DPP7: variants seen among roughly 807,000 people sequenced by gnomAD.
DPP7 encodes the protein dipeptidyl peptidase 2.
In DPP7, 74 loss-of-function variants were observed where a neutral mutation model predicts 58.8. The ratio of observed to expected loss-of-function variants is 1.26; its 90% CI spans 1.04 to 1.53. The LOEUF (loss-of-function observed/expected upper bound fraction) is 1.53. Among genes scored for constraint, DPP7 ranks in the 40% most tolerant of loss-of-function variants. DPP7 has a pLI of 0.00. For missense variants in DPP7, 807 were observed against 692.3 expected, an observed-to-expected ratio of 1.17 and a Z score of -1.86; for synonymous variants, 350 against 303.6, an observed-to-expected ratio of 1.15 and a Z score of -1.59.
At position 137,111,904 on chromosome 9, in the gene DPP7, G is replaced by A. The variant is rs185560168; in HGVS notation, c.1176C>T (p.Pro392=). Residue 392 remains proline, a synonymous_variant, in exon 10 of 13, where the codon CCC becomes CCT. Transcript: ENST00000371579. The stretch of plus-strand genomic sequence containing the variant: ...CCCAGAAGCTGGTCAGCAGCCAGTC[G>A]GGCCGGGGCCACACGCCCCAGGTGT... ...CLDTWGVWPR[P]DWLLTSFWGG... 1.5e-4 allele frequency: 236 copies of A among 1,611,946 alleles called. No homozygotes were observed. The East Asian group carries it at 4.5e-3, about 31-fold the overall frequency.
At chr9:137,112,253 C>T (rs1188716533) in intron 8 of DPP7, 23 bp from the exon 9 acceptor site, 2 of 1,581,606 alleles carry the variant, frequency 1.3e-6, no homozygotes, top group African/African-American at 2.7e-5. Flanking sequence ...GGCGCTGGGG[C>T]CCAGCGGCCA....
chr9:137,117,305 G>A (rs749604639), upstream of DPP7, among the ~76,000 whole-genome samples: 1 of 152,226 alleles, frequency 6.6e-6, no homozygotes. Flanking sequence ...CAGGGCCCTC[G>A]TCAGCCTGTG....
chr9:137,115,352 A>G (rs1015765259), upstream of DPP7, among the ~76,000 whole-genome samples: 3 of 152,008 alleles, frequency 2.0e-5, no homozygotes, highest in Non-Finnish European at 2.9e-5. Flanking sequence ...ACAAGGGGGG[A>G]CCAGAGGCCT....
upstream of DPP7, among the ~76,000 whole-genome samples, chr9:137,117,231 T>C (rs1230487816): frequency 1.3e-5 from 2 of 152,190 alleles, no homozygotes; most frequent in Admixed American, 1.3e-4. Context: ...ACCCCTTCAC[T>C]GGCACAGCAA....
chr9:137,113,914 G>A lies in DPP7; in HGVS notation c.436C>T (p.Arg146Ter), dbSNP rs1387745132. ...GCATCCTGGGCCCCGAGGTCGCGTC[G>A]TAGCGCGCGGAGCAGCTCTGCGAAG... ...ADFAELLRALRRDLGAQDAPA... is the reference protein window; with the variant it reads ...ADFAELLRAL The change falls in exon 4 of 13, where the codon CGA (arginine) becomes TGA (stop). Residue 146 changes from arginine to a stop codon, truncating the protein, a stop_gained. Transcript: ENST00000371579. LOFTEE classifies it high-confidence loss of function. 6.3e-7 allele frequency: 1 copy of A among 1,575,510 alleles called. No individual in the cohort carries two copies. The highest frequency in any genetic ancestry group is 1.7e-5 in the Admixed American group (1 of 58,082).
In DPP7 at chr9:137,110,946, C is replaced by G; in HGVS notation, c.1277G>C (p.Arg426Pro). Residue 426 changes from arginine to proline, a missense_variant, in exon 12 of 13, where the codon CGG (arginine) becomes CCG (proline). Physicochemically the swap from Arg to Pro is moderately radical, Grantham distance 103. This residue lies in a region of DPP7 where 624 missense variants were observed against 531.2 expected (regional missense o/e 1.17). Transcript: ENST00000371579. ...NLDPWAGGGI[R>P]RNLSASVIAV... ...GATGACTGAGGCACTCAGGTTCCTC[C>G]GAATCTGTGGTCAGTGGAAAGAACT... The G allele has an allele frequency of 6.2e-7, 1 of 1,612,986 alleles. No individual in the cohort carries two copies. Among genetic ancestry groups the G allele is most frequent in the Non-Finnish European group, 8.5e-7 (1 of 1,179,842 alleles).
At chr9:137,110,849 G>T (rs375246439) in intron 12 of DPP7, 31 bp downstream of exon 12, 6 of 1,605,686 alleles carry the variant, frequency 3.7e-6, no homozygotes, top group Admixed American at 1.7e-5. Context: ...CGCCCGACCC[G>T]CGACCACCGC....
In DPP7 at chr9:137,113,882, G is replaced by A. The variant is rs1289725841; in HGVS notation, c.468C>T (p.Ala156=). The change falls in exon 4 of 13, where the codon GCC becomes GCT. Residue 156 remains alanine (A), a synonymous_variant. Transcript: ENST00000371579. ...RRDLGAQDAP[A]IAFGGSYGGM... The stretch of plus-strand genomic sequence containing the variant: ...GCGCCCACCTTCCACCGAAGGCGAT[G>A]GCGGGGGCATCCTGGGCCCCGAGGT... The A allele has an allele frequency of 6.4e-7, 1 of 1,556,758 alleles. No homozygotes were observed.
At position 137,113,253 on chromosome 9, in the gene DPP7, C is replaced by A; in HGVS notation, c.656G>T (p.Gly219Val). Residue 219 changes from glycine to valine, a missense_variant, in exon 6 of 13, where the codon GGT (glycine) becomes GTT (valine). Physicochemically the swap from Gly to Val is moderately radical, Grantham distance 109. Coordinates refer to ENST00000371579, the MANE Select transcript of DPP7 (RefSeq NM_013379.3). The part of the protein sequence containing the change: ...FEGQSPKCTQ[G>V]VREAFRQIKD... Reference sequence around the variant, plus strand: ...GATCTGTCGGAACGCTTCCCGCACACCCTGGGTGCATTTGGGACTCTGGCC... The same window carrying A: ...GATCTGTCGGAACGCTTCCCGCACAACCTGGGTGCATTTGGGACTCTGGCC... The A allele has an allele frequency of 6.2e-7, 1 of 1,613,824 alleles. No homozygotes were observed. The highest frequency in any genetic ancestry group is 1.1e-5 in the South Asian group (1 of 91,074).
upstream of DPP7, among the ~76,000 whole-genome samples, chr9:137,116,394 G>C (rs1831639173): frequency 6.6e-6 from 1 of 152,246 alleles, no homozygotes; most frequent in Non-Finnish European, 1.5e-5. Flanking sequence ...CCATCCCTGT[G>C]CCCACAGAAA....
chr9:137,115,451 AG>A (rs1407832815), upstream of DPP7, among the ~76,000 whole-genome samples: 4 of 152,156 alleles, frequency 2.6e-5, no homozygotes, highest in African/African-American at 7.2e-5. Flanking sequence ...GGAGTGGGTG[AG>A]GGGGCCGTAG....
At chr9:137,118,274 C>T (rs1258702820), upstream of DPP7, among the ~76,000 whole-genome samples, 1 of 151,926 alleles carries the variant, frequency 6.6e-6, no homozygotes, top group African/African-American at 2.4e-5. Context: ...AGGCGTGAGC[C>T]ACCACACCCG....
intron 7 of DPP7, 71 bp downstream of exon 7, chr9:137,112,882 C>T: frequency 1.9e-6 from 3 of 1,602,118 alleles, no homozygotes; most frequent in Non-Finnish European, 2.6e-6. Flanking sequence ...GGATGAGGGT[C>T]AGGCCGCTGA....
rs747877286 is a variant in DPP7, at chr9:137,114,489, G to A, written c.155C>T (p.Thr52Ile). ...HFNFERFGNK[T>I]FPQRFLVSDR... is the part of the protein sequence containing the mutation. ...CGACACCAGGAAGCGCTGAGGGAAG[G>A]TCTTGTTGCCGAAGCGCTCGAAGTT... The change falls in exon 2 of 13, where the codon ACC becomes ATC. Residue 52 changes from threonine (T) to isoleucine (I), a missense_variant. Physicochemically the swap from Thr to Ile is moderately conservative, Grantham distance 89. Transcript: ENST00000371579. 1 of 1,580,694 alleles carries A rather than the reference G, an allele frequency of 6.3e-7. No individual in the cohort carries two copies. The highest frequency in any genetic ancestry group is 8.6e-7 in the Non-Finnish European group (1 of 1,164,010).
rs767541487 is a variant in DPP7 at position 137,114,579 on chromosome 9, G to A, written c.68-3C>T. On this transcript the variant is annotated splice_polypyrimidine_tract_variant and splice_region_variant and intron_variant, in intron 1 of 12. Transcript: ENST00000371579. ...GCCGGGGTCCGGGGCCCTGCGGGCT[G>A]TGGGGGGACGCGAACCTCAGAGGCG... The A allele has an allele frequency of 2.6e-6, 4 of 1,520,688 alleles. No individual in the cohort carries two copies. The South Asian group carries it at 4.9e-5, about 19-fold the overall frequency. 94.2% of individuals were successfully genotyped at this position (1,520,688 alleles called of 1,614,324 possible).
Position 137,110,704 on chromosome 9 carries a change from C to T in DPP7, c.1423G>A (p.Ala475Thr). 4.4e-6 allele frequency: 7 copies of T among 1,608,744 alleles called. No individual in the cohort carries two copies. The highest frequency in any genetic ancestry group is 5.9e-6 in the Non-Finnish European group (7 of 1,179,952). ...EATIIGEWVK[A>T]ARREQQPALR... is the part of the protein sequence containing the mutation. The stretch of plus-strand genomic sequence containing the variant: ...GCTGGCTGCTGCTCACGCCTGGCTG[C>T]CTTTACCCACTCGCCGATGATGGTG... The change falls in exon 13 of 13, where the codon GCA (alanine) becomes ACA (threonine). Residue 475 changes from alanine (A) to threonine (T), a missense_variant. Coordinates refer to ENST00000371579, the MANE Select transcript of DPP7 (RefSeq NM_013379.3).
rs756857721 is a variant in DPP7, at chr9:137,113,901, C to T, written c.449G>A (p.Gly150Glu). 31 of 1,569,882 alleles carry T rather than the reference C, an allele frequency of 2.0e-5. No homozygotes were observed. Among genetic ancestry groups the T allele is most frequent in the Non-Finnish European group, 2.1e-5 (24 of 1,164,092 alleles). The change falls in exon 4 of 13, where the codon GGG (glycine) becomes GAG (glutamate). Residue 150 changes from glycine (G) to glutamate (E), a missense_variant. Gly to Glu is a moderately conservative substitution (Grantham distance 98). Transcript: ENST00000371579. ...ELLRALRRDLGAQDAPAIAFG... is the reference protein window; with the variant it reads ...ELLRALRRDLEAQDAPAIAFG... ...GGCGATGGCGGGGGCATCCTGGGCC[C>T]CGAGGTCGCGTCGTAGCGCGCGGAG...
chr9:137,111,677 G>A lies in DPP7; in HGVS notation c.1272+13C>T. ...CAAACTAACGGGGTCATAGGGCCCAGGCCAGGACTCACCCCGCCCCCTGCC... is the reference window on the plus strand; with the variant it reads ...CAAACTAACGGGGTCATAGGGCCCAAGCCAGGACTCACCCCGCCCCCTGCC... On this transcript the variant is annotated intron_variant, in intron 11 of 12. Transcript: ENST00000371579. The A allele has an allele frequency of 6.2e-7, 1 of 1,613,290 alleles. No individual in the cohort carries two copies. The highest frequency in any genetic ancestry group is 1.1e-5 in the South Asian group (1 of 91,082).
upstream of DPP7, among the ~76,000 whole-genome samples, chr9:137,115,419 C>T (rs1182992577): frequency 6.6e-6 from 1 of 152,192 alleles, no homozygotes; most frequent in Admixed American, 6.5e-5. Context: ...AAGAAGTCAC[C>T]TTTCCCCAGC....
Sources: gnomAD v4.1 joint callset for allele counts (sites outside exome capture counted in the v4.1 genomes callset) on GRCh38, gnomAD v4.1.1 for gene constraint, gnomAD v4.1.1 regional missense constraint, MANE v1.5 for transcripts, NCBI Gene and HGNC (gene_info 2026-07-23, HGNC 2026-07-21) for gene names.